Variants in GHR observed in about 807,000 individuals in gnomAD.
GHR encodes GH receptor.
In GHR, 35 loss-of-function variants were observed where a neutral mutation model predicts 67.1. The ratio of observed to expected loss-of-function variants is 0.52; its 90% CI spans 0.40 to 0.69. The LOEUF (loss-of-function observed/expected upper bound fraction) is 0.69. GHR is among the 30% of genes least tolerant of loss of function. The probability of loss-of-function intolerance (pLI) is 0.00; values close to 1 mark genes in which losing one functional copy is unlikely to be tolerated. For synonymous variants in GHR, 272 were observed against 269.1 expected (o/e 1.01, Z -0.10); for missense variants, 792 against 764.6 (o/e 1.04, Z -0.42).
chr5:42,640,610 C>T (rs1007619024), intron 3 of GHR, among the ~76,000 whole-genome samples: 2 of 152,028 alleles, frequency 1.3e-5, no homozygotes, highest in African/African-American at 4.8e-5. Flanking sequence ...TAAGAAAAAT[C>T]CTTCATCTAG....
At chr5:42,691,146 A>G (rs576558631) in intron 4 of GHR, among the ~76,000 whole-genome samples, 2 of 152,180 alleles carry the variant, frequency 1.3e-5, no homozygotes, top group Non-Finnish European at 2.9e-5. Flanking sequence ...CAGGATCTAC[A>G]CTACCAAGGA....
At chr5:42,708,120 A>C (rs12654861) in intron 6 of GHR, among the ~76,000 whole-genome samples, 2,705 of 152,272 alleles carry the variant, frequency 0.018, 139 homozygotes, top group South Asian at 0.17. Context: ...AAGTACAAAA[A>C]GTTCATCAGT....
intron 1 of GHR, among the ~76,000 whole-genome samples, chr5:42,433,503 A>G (rs1743185832): frequency 6.6e-6 from 1 of 152,172 alleles, no homozygotes; most frequent in African/African-American, 2.4e-5. Context: ...GAATTAAAAC[A>G]TGACTCTTGA....
At chr5:42,519,003 G>A (rs1747361107) in intron 1 of GHR, among the ~76,000 whole-genome samples, 1 of 152,202 alleles carries the variant, frequency 6.6e-6, no homozygotes, top group Non-Finnish European at 1.5e-5. Context: ...TGGCAAATTG[G>A]TTGATCTCCC....
At chr5:42,565,976 T>G in intron 2 of GHR, 32 bp downstream of exon 2, 5 of 1,613,172 alleles carry the variant, frequency 3.1e-6, no homozygotes, top group Non-Finnish European at 4.2e-6. Context: ...CCACCCTCAG[T>G]GTTTTGAAAC....
intron 1 of GHR, among the ~76,000 whole-genome samples, chr5:42,509,951 T>C (rs1746940312): frequency 6.6e-6 from 1 of 152,158 alleles, no homozygotes; most frequent in Admixed American, 6.5e-5. Context: ...AACTTGAGAA[T>C]TTATCTCCTC....
chr5:42,647,011 A>C (rs1390752583), intron 3 of GHR, among the ~76,000 whole-genome samples: 1 of 152,200 alleles, frequency 6.6e-6, no homozygotes, highest in African/African-American at 2.4e-5. Context: ...TTCTGTTACC[A>C]ACAGAGGAGG....
chr5:42,606,956 T>C (rs1255078169), intron 2 of GHR, among the ~76,000 whole-genome samples: 1 of 152,016 alleles, frequency 6.6e-6, no homozygotes, highest in African/African-American at 2.4e-5. Flanking sequence ...GCTAGGTGAA[T>C]TGGTGATTAT....
intron 5 of GHR, among the ~76,000 whole-genome samples, chr5:42,699,427 G>A (rs769755798): frequency 1.4e-3 from 209 of 152,162 alleles, no homozygotes; most frequent in Non-Finnish European, 4.6e-4. Flanking sequence ...CCCTAGTTCC[G>A]AAGCAGCCCC....
chr5:42,631,581 C>T (rs1382603047), intron 3 of GHR, among the ~76,000 whole-genome samples: 1 of 152,060 alleles, frequency 6.6e-6, no homozygotes, highest in African/African-American at 2.4e-5. Context: ...AGCTGTGTGC[C>T]CTGAGGGAGA....
intron 1 of GHR, among the ~76,000 whole-genome samples, chr5:42,511,702 G>T (rs1188546235): frequency 6.6e-6 from 1 of 152,142 alleles, no homozygotes; most frequent in Non-Finnish European, 1.5e-5. Context: ...GTGTGTGTGT[G>T]TGTGTTTGTG....
chr5:42,539,101 A>G (rs549303175), intron 1 of GHR, among the ~76,000 whole-genome samples: 1 of 152,034 alleles, frequency 6.6e-6, no homozygotes, highest in South Asian at 2.1e-4. Flanking sequence ...TCGTTGTATC[A>G]GATTTCCTTG....
chr5:42,521,438 T>TAGG, intron 1 of GHR, among the ~76,000 whole-genome samples: 1 of 152,330 alleles, frequency 6.6e-6, no homozygotes, highest in Non-Finnish European at 1.5e-5. Flanking sequence ...CAGGATTTAC[T>TAGG]CCATATTTCT....
rs1259910619 is a variant in GHR, at chr5:42,720,722, T to G, written c.*1298T>G. 1 of 152,180 alleles carries G rather than the reference T, an allele frequency of 6.6e-6. No homozygotes were observed. Among genetic ancestry groups the G allele is most frequent in the East Asian group, 1.9e-4 (1 of 5,204 alleles). The allele number at this position is 152,180 out of a possible 1,614,324, so 9.4% of individuals were successfully genotyped here. On this transcript the variant is annotated 3_prime_UTR_variant, in exon 10 of 10. Transcript: ENST00000230882. ...GTCCCCACAGATAACTGAAAATTAT[T>G]TAAACCGCTAAAAGAAACTTTCTTT... is the stretch of plus-strand genomic sequence containing the variant.
intron 2 of GHR, among the ~76,000 whole-genome samples, chr5:42,589,882 G>A (rs1170572333): frequency 2.0e-5 from 3 of 152,200 alleles, no homozygotes; most frequent in Admixed American, 1.3e-4. Flanking sequence ...ATTAAGTTCA[G>A]GTAGACAGAG....
At chr5:42,495,456 T>C (rs1428876320) in intron 1 of GHR, among the ~76,000 whole-genome samples, 1 of 152,136 alleles carries the variant, frequency 6.6e-6, no homozygotes, top group African/African-American at 2.4e-5. Flanking sequence ...TAGTGGGTTA[T>C]TAACAGTGGT....
chr5:42,700,425 T>G (rs2111743450), intron 6 of GHR, among the ~76,000 whole-genome samples: 1 of 152,270 alleles, frequency 6.6e-6, no homozygotes, highest in South Asian at 2.1e-4. Flanking sequence ...CATACGTGTC[T>G]ATAGGAAAAC....
intron 2 of GHR, among the ~76,000 whole-genome samples, chr5:42,610,884 G>T (rs978410812): frequency 6.6e-6 from 1 of 152,132 alleles, no homozygotes; most frequent in Non-Finnish European, 1.5e-5. Flanking sequence ...GTCATGCAAA[G>T]TCACTGGCTG....
chr5:42,649,213 C>A (rs1216912526), intron 3 of GHR, among the ~76,000 whole-genome samples: 1 of 152,098 alleles, frequency 6.6e-6, no homozygotes, highest in Non-Finnish European at 1.5e-5. Context: ...TATGAAAATT[C>A]CCACAAAGTT....
Sources: gnomAD v4.1 joint callset for allele counts (sites outside exome capture counted in the v4.1 genomes callset) on GRCh38, gnomAD v4.1.1 for gene constraint, MANE v1.5 for transcripts, NCBI Gene and HGNC (gene_info 2026-07-23, HGNC 2026-07-21) for gene names.